Variants in CRADD observed in about 807,000 individuals in gnomAD.
CRADD encodes the protein death domain-containing protein CRADD.
A neutral mutation model predicts 15.5 loss-of-function variants in CRADD; 9 were observed. The observed-to-expected ratio is 0.58, with a 90% CI of 0.35 to 1.01. The LOEUF (loss-of-function observed/expected upper bound fraction) is 1.01, where lower values mean the gene tolerates loss of function less well. CRADD is among the 50% of genes least tolerant of loss of function. The probability of loss-of-function intolerance (pLI) is 0.02; values close to 1 mark genes in which losing one functional copy is unlikely to be tolerated. For synonymous variants in CRADD, 118 were observed against 107.6 expected (o/e 1.10, Z -0.60); for missense variants, 227 against 250.3 (o/e 0.91, Z 0.63).
chr12:93,850,166 C>T lies in CRADD; in HGVS notation c.495C>T (p.Ile165=). The T allele has an allele frequency of 1.2e-6, 2 of 1,613,872 alleles. No individual in the cohort carries two copies. Among genetic ancestry groups the T allele is most frequent in the Non-Finnish European group, 1.7e-6 (2 of 1,179,808 alleles). ...AGTCGCAGGTGGTGGAGGCCTTCAT[C>T]CGTTGGCGGCAGCGCTTCGGGAAGC... The part of the protein sequence containing the change: ...NVQSQVVEAF[I]RWRQRFGKQA... The change falls in exon 3 of 3, where the codon ATC becomes ATT. Residue 165 remains isoleucine, a synonymous_variant. Transcript: ENST00000332896. This position sits in a 1 kb window ranked among gnomAD's most constrained non-coding sequence, Gnocchi z 4.0.
At chr12:93,740,299 T>C (rs2136927455) in intron 2 of CRADD, among the ~76,000 whole-genome samples, 1 of 152,254 alleles carries the variant, frequency 6.6e-6, no homozygotes, top group East Asian at 1.9e-4. Context: ...TTAGAACAAC[T>C]TTTTTTCTCA....
chr12:93,853,224 C>T (rs1958243247), downstream of CRADD, among the ~76,000 whole-genome samples: 1 of 151,934 alleles, frequency 6.6e-6, no homozygotes, highest in Non-Finnish European at 1.5e-5. Context: ...TTTAATATTC[C>T]TCAATGGCAT....
chr12:93,696,831 A>T (rs1955718183), intron 2 of CRADD, among the ~76,000 whole-genome samples: 1 of 152,198 alleles, frequency 6.6e-6, no homozygotes, highest in African/African-American at 2.4e-5. Flanking sequence ...TTTACATAGC[A>T]CTTACCTTGT....
chr12:93,725,575 T>C (rs574224906), intron 2 of CRADD, among the ~76,000 whole-genome samples: 2 of 152,292 alleles, frequency 1.3e-5, no homozygotes, highest in African/African-American at 2.4e-5. Context: ...ATGATATTTG[T>C]AAGAGCATGA....
At chr12:93,770,132 G>A (rs1331709868) in intron 2 of CRADD, among the ~76,000 whole-genome samples, 1 of 124,252 alleles carries the variant, frequency 8.0e-6, no homozygotes, top group African/African-American at 3.0e-5. Context: ...GTCTCGCTCT[G>A]TGGCCCAGGT....
intron 2 of CRADD, among the ~76,000 whole-genome samples, chr12:93,819,461 G>A (rs1156989486): frequency 6.6e-6 from 1 of 152,214 alleles, no homozygotes; most frequent in Non-Finnish European, 1.5e-5. Context: ...TTAAAGGCAT[G>A]ACTCAGAAGC....
intron 2 of CRADD, among the ~76,000 whole-genome samples, chr12:93,735,957 C>T (rs991851617): frequency 6.6e-6 from 1 of 151,228 alleles, no homozygotes. Context: ...AGTAGGAGGC[C>T]GAGGTGGGAT....
rs1205246121 is a variant in CRADD, at chr12:93,824,385, C to T, written c.299-25585C>T. ...TCTAACCATAAAAGCTGCTTCTGTG[C>T]TCTTTGGAAAACACACACACACTCA... is the stretch of plus-strand genomic sequence containing the variant. On this transcript the variant is annotated intron_variant, in intron 2 of 2. Coordinates refer to ENST00000332896, the MANE Select transcript of CRADD (RefSeq NM_003805.5). The surrounding 1 kb of genome is among the most constrained non-coding windows in gnomAD (Gnocchi z 4.3). Among the ~76,000 whole-genome samples, 1 of 149,584 alleles carries T rather than the reference C, an allele frequency of 6.7e-6. No homozygotes were observed. The highest frequency in any genetic ancestry group is 1.5e-5 in the Non-Finnish European group (1 of 67,656).
At chr12:93,722,392 T>C (rs905729890) in intron 2 of CRADD, among the ~76,000 whole-genome samples, 2 of 152,098 alleles carry the variant, frequency 1.3e-5, no homozygotes, top group Non-Finnish European at 2.9e-5. Context: ...TGGCATTAAT[T>C]TGGGGGCAAT....
intron 2 of CRADD, among the ~76,000 whole-genome samples, chr12:93,687,725 A>G (rs1955470227): frequency 6.6e-6 from 1 of 152,186 alleles, no homozygotes; most frequent in Non-Finnish European, 1.5e-5. Flanking sequence ...GGTGGTAGGA[A>G]TCAGGGTGTA....
chr12:93,685,787 T>C lies in CRADD; in HGVS notation c.298+6715T>C, dbSNP rs10859551. ...CGGGCAGATCACCTGAGGTCAGGAG[T>C]TTGAGACCAGCCTGGCCAACATGGT... On this transcript the variant is annotated intron_variant, in intron 2 of 2. Transcript: ENST00000332896. Among the ~76,000 whole-genome samples, 1,398 of 151,918 alleles carry C rather than the reference T, an allele frequency of 9.2e-3. 15 individuals carry two copies. Among genetic ancestry groups the C allele is most frequent in the African/African-American group, 0.032 (1,339 of 41,422 alleles).
intron 2 of CRADD, among the ~76,000 whole-genome samples, chr12:93,749,285 G>A (rs1387678553): frequency 1.3e-5 from 2 of 152,182 alleles, no homozygotes; most frequent in African/African-American, 4.8e-5. Context: ...GAGGAGCTTG[G>A]TGTGTTCTGG....
Position 93,790,470 on chromosome 12 carries a change from T to TA in CRADD, c.299-59490dup, listed in dbSNP as rs538814992. Among the ~76,000 whole-genome samples the TA allele has an allele frequency of 1.8e-3, 255 of 140,074 alleles. 4 individuals carry two copies. The highest frequency in any genetic ancestry group is 5.7e-3 in the African/African-American group (213 of 37,384). 91.9% of individuals were successfully genotyped at this position (140,074 alleles called of 152,430 possible). A position where few individuals can be genotyped will look rare whatever the true frequency, so the allele number is the denominator to read the frequency against. The stretch of plus-strand genomic sequence containing the variant: ...AAAACTTAAAGTATTATGATAATAA[T>TA]AAAAAAAAAAGAAACTCAACTAAAG... On this transcript the variant is annotated intron_variant, in intron 2 of 2. Transcript: ENST00000332896.
intron 2 of CRADD, among the ~76,000 whole-genome samples, chr12:93,699,269 A>G (rs2136831427): frequency 6.6e-6 from 1 of 152,354 alleles, no homozygotes; most frequent in East Asian, 1.9e-4. Flanking sequence ...AGATTTTGCC[A>G]GAAGAGATTT....
At chr12:93,871,957 C>T (rs568782097) in intron 2 of CRADD, among the ~76,000 whole-genome samples, 10 of 152,162 alleles carry the variant, frequency 6.6e-5, no homozygotes, top group African/African-American at 1.9e-4. Flanking sequence ...CATATGGTAG[C>T]TCAATTTTTA....
chr12:93,784,455 C>G (rs1565912809), intron 2 of CRADD, among the ~76,000 whole-genome samples: 1 of 152,040 alleles, frequency 6.6e-6, no homozygotes, highest in South Asian at 2.1e-4. Context: ...GGGCTCTAAA[C>G]CCAGGCCGTC....
intron 2 of CRADD, among the ~76,000 whole-genome samples, chr12:93,716,131 CAAAAAAAA>C (rs200370450): frequency 1.1e-5 from 1 of 87,676 alleles, no homozygotes; most frequent in African/African-American, 3.7e-5. Context: ...GACTCCACCT[CAAAAAAAA>C]AAAAAAGGAA....
intron 2 of CRADD, among the ~76,000 whole-genome samples, chr12:93,705,438 G>A (rs964243370): frequency 6.6e-6 from 1 of 152,190 alleles, no homozygotes; most frequent in African/African-American, 2.4e-5. Context: ...GTGCTCTAGG[G>A]ACAGTCTCCT....
chr12:93,739,727 C>T (rs916809716), intron 2 of CRADD, among the ~76,000 whole-genome samples: 11 of 152,062 alleles, frequency 7.2e-5, no homozygotes, highest in Non-Finnish European at 2.9e-5. Context: ...TAGTCATTCT[C>T]ATTTTAAAAT....
Sources: gnomAD v4.1 joint callset for allele counts (sites outside exome capture counted in the v4.1 genomes callset) on GRCh38, gnomAD v4.1.1 for gene constraint, Gnocchi (gnomAD v3.1) non-coding constraint, MANE v1.5 for transcripts, NCBI Gene and HGNC (gene_info 2026-07-23, HGNC 2026-07-21) for gene names.